The following NCOR2 variants were observed in gnomAD, a reference collection of about 807,000 sequenced individuals.
NCOR2 encodes nuclear receptor corepressor 2.
Under a neutral mutation model 262.9 loss-of-function variants are expected in NCOR2, and 81 were observed. The observed-to-expected ratio is 0.31, with a 90% CI of 0.26 to 0.37. NCOR2 has a LOEUF of 0.37. Ranked by LOEUF, NCOR2 falls within the 10% of genes least tolerant of loss-of-function variation. The pLI, the probability that NCOR2 is intolerant of heterozygous loss-of-function variation, is 1.00. For missense variants in NCOR2, 3,385 were observed against 3,621.4 expected, an observed-to-expected ratio of 0.93 and a Z score of 1.68; for synonymous variants, 1,659 against 1,559.3, an observed-to-expected ratio of 1.06 and a Z score of -1.51.
At position 124,548,773 on chromosome 12, in the gene NCOR2, T is replaced by G. The variant is rs1359797258; in HGVS notation, c.-164-13162A>C. On this transcript the variant is annotated intron_variant, in intron 1 of 32. Transcript: ENST00000458234. This position sits in a 1 kb window ranked among gnomAD's most constrained non-coding sequence, Gnocchi z 5.1. ...CAGTCCTACTCCATAAAAGTCACCC[T>G]CCCTACACAGTTTTCAAATGACCTG... 2.6e-5 allele frequency among the ~76,000 whole-genome samples: 4 copies of G among 151,984 alleles called. No homozygotes were observed. Among genetic ancestry groups the G allele is most frequent in the Non-Finnish European group, 4.4e-5 (3 of 67,988 alleles).
exon 14 of NCOR2, chr12:124,402,550 T>C (rs3040832): frequency 1.3e-4 from 118 of 904,256 alleles, no homozygotes; most frequent in Admixed American, 3.4e-4. Context: ...GCTGCTGCTG[T>C]TGTTGCTGCT....
rs549314903 is a variant in NCOR2, at chr12:124,448,300, G to A, written c.815+1515C>T. ...CTTCCCACCCCAGACAGGGGCCCCAGAGCAAGGCAGGTCCCAGGAAGCTGC... is the reference window on the plus strand; with the variant it reads ...CTTCCCACCCCAGACAGGGGCCCCAAAGCAAGGCAGGTCCCAGGAAGCTGC... On this transcript the variant is annotated intron_variant, in intron 7 of 46. Transcript: ENST00000405201. Among the ~76,000 whole-genome samples the A allele has an allele frequency of 2.7e-3, 406 of 152,346 alleles. 4 individuals are homozygous for A. Among genetic ancestry groups the A allele is most frequent in the Non-Finnish European group, 4.3e-3 (294 of 68,040 alleles).
At chr12:124,422,777 G>A (rs558842053) in intron 11 of NCOR2, among the ~76,000 whole-genome samples, 1 of 152,248 alleles carries the variant, frequency 6.6e-6, no homozygotes, top group African/African-American at 2.4e-5. Flanking sequence ...GTGAGTCACT[G>A]GCTTTAGCGC....
intron 1 of NCOR2, chr12:124,561,985 C>T (rs896193847): frequency 6.6e-6 from 1 of 152,168 alleles, no homozygotes; most frequent in Non-Finnish European, 1.5e-5. Context: ...CACTGCACTC[C>T]AGCCTTGGTG....
chr12:124,412,788 G>A (rs1020596558), intron 13 of NCOR2, among the ~76,000 whole-genome samples: 3 of 152,240 alleles, frequency 2.0e-5, no homozygotes, highest in African/African-American at 7.2e-5. Context: ...TTGGATCTCG[G>A]CCTTATTGTG....
chr12:124,360,798 A>C (rs1593212923), intron 22 of NCOR2, among the ~76,000 whole-genome samples: 2 of 140,182 alleles, frequency 1.4e-5, no homozygotes, highest in African/African-American at 5.2e-5. Flanking sequence ...GCTGCTTCCC[A>C]CTCCACAGGG....
In NCOR2 at chr12:124,454,128, C is replaced by T. The variant is rs1444816171; in HGVS notation, c.762+2978G>A. Among the ~76,000 whole-genome samples the T allele has an allele frequency of 6.6e-6, 1 of 152,194 alleles. No individual in the cohort carries two copies. Among genetic ancestry groups the T allele is most frequent in the Non-Finnish European group, 1.5e-5 (1 of 68,040 alleles). ...CTGTGGCCACTCGGGCCTGGCAGAT[C>T]TGTGCAGAACTGGCCGGCCGCTCTC... On this transcript the variant is annotated intron_variant, in intron 6 of 46. Coordinates refer to ENST00000405201, the Ensembl canonical transcript of NCOR2. The surrounding 1 kb of genome is among the most constrained non-coding windows in gnomAD (Gnocchi z 5.6).
intron 1 of NCOR2, among the ~76,000 whole-genome samples, chr12:124,534,634 C>T (rs1594019827): frequency 3.9e-5 from 6 of 152,246 alleles, no homozygotes; most frequent in Non-Finnish European, 8.8e-5. Flanking sequence ...CCCCAGCCTC[C>T]ATGCGCACGA....
At chr12:124,485,897 G>A (rs539063674) in intron 2 of NCOR2, among the ~76,000 whole-genome samples, 91 of 152,244 alleles carry the variant, frequency 6.0e-4, no homozygotes, top group Admixed American at 1.8e-3. Flanking sequence ...TGCATGGAGA[G>A]CTGGCTCTGA....
chr12:124,400,775 A>G lies in NCOR2; in HGVS notation c.1641-102T>C, dbSNP rs568842185. The G allele has an allele frequency of 2.7e-5, 39 of 1,449,714 alleles. No individual in the cohort carries two copies. The Admixed American group carries it at 5.3e-4, about 20-fold the overall frequency. 89.8% of individuals were successfully genotyped at this position (1,449,714 alleles called of 1,614,324 possible). On this transcript the variant is annotated intron_variant, in intron 14 of 46. Transcript: ENST00000405201. Reference sequence around the variant, plus strand: ...TTTAGCTGGATTTGCACTGGCTGCCAGCCATGGCACTAATCGGACGCTAGG... The same window carrying G: ...TTTAGCTGGATTTGCACTGGCTGCCGGCCATGGCACTAATCGGACGCTAGG...
chr12:124,486,281 C>T, intron 2 of NCOR2, 160 bp downstream of exon 4: 2 of 1,175,240 alleles, frequency 1.7e-6, no homozygotes, highest in Non-Finnish European at 2.3e-6. Context: ...CCCATCCTCA[C>T]CCCGAGTCAC....
rs1406319276 is a variant in NCOR2, at chr12:124,340,761, G to T, written c.5189-10C>A. ...GACAGGTCGATGATGCCTGCGGGAG[G>T]TGTTGGGCCAGGGCTGTAGCCACAG... On this transcript the variant is annotated splice_polypyrimidine_tract_variant and intron_variant, in intron 34 of 46. Coordinates refer to ENST00000405201, the Ensembl canonical transcript of NCOR2. 1 of 1,529,752 alleles carries T rather than the reference G, an allele frequency of 6.5e-7. No individual in the cohort carries two copies. Among genetic ancestry groups the T allele is most frequent in the South Asian group, 1.3e-5 (1 of 77,432 alleles). The allele number at this position is 1,529,752 out of a possible 1,614,324, so 94.8% of individuals were successfully genotyped here. A position where few individuals can be genotyped will look rare whatever the true frequency, so the allele number is the denominator to read the frequency against.
intron 10 of NCOR2, 59 bp from the exon 13 acceptor site, chr12:124,426,859 A>G: frequency 6.8e-7 from 1 of 1,470,630 alleles, no homozygotes; most frequent in Non-Finnish European, 9.1e-7. Flanking sequence ...CGGCCGGCGC[A>G]GGGGACCCAG....
chr12:124,411,407 G>A (rs1426927403), intron 13 of NCOR2, among the ~76,000 whole-genome samples: 11 of 152,308 alleles, frequency 7.2e-5, no homozygotes, highest in African/African-American at 2.2e-4. Flanking sequence ...GCGGAGCCTC[G>A]GCCTCCCTGG....
chr12:124,456,653 T>C (rs1462845948), intron 6 of NCOR2, among the ~76,000 whole-genome samples: 1 of 152,210 alleles, frequency 6.6e-6, no homozygotes, highest in African/African-American at 2.4e-5. Flanking sequence ...ATTCCCATTT[T>C]ACAGATGAGG....
At chr12:124,450,092 A>AC (rs918785684) in intron 6 of NCOR2, among the ~76,000 whole-genome samples, 3 of 152,050 alleles carry the variant, frequency 2.0e-5, no homozygotes. Context: ...GACCACCCCC[A>AC]CCAAGGTCGT....
chr12:124,479,519 GCGCACA>G (rs1698269926), intron 3 of NCOR2, among the ~76,000 whole-genome samples: 2 of 147,482 alleles, frequency 1.4e-5, no homozygotes, highest in Non-Finnish European at 3.0e-5. Context: ...ACGCACATGC[GCGCACA>G]CGCACACACA....
chr12:124,479,311 GAC>G (rs1415531425), intron 3 of NCOR2, among the ~76,000 whole-genome samples: 1 of 149,762 alleles, frequency 6.7e-6, no homozygotes, highest in Non-Finnish European at 1.5e-5. Flanking sequence ...CACATGCACG[GAC>G]ACATGCACAC....
At chr12:124,486,346 A>G (rs2047765983) in intron 2 of NCOR2, 95 bp downstream of exon 4, 9 of 1,520,582 alleles carry the variant, frequency 5.9e-6, no homozygotes, top group Non-Finnish European at 7.9e-6. Context: ...ATTTCACAGG[A>G]CCCTGTGTGC....
Sources: allele counts gnomAD v4.1 joint callset (sites outside exome capture counted in the v4.1 genomes callset), GRCh38; gene constraint gnomAD v4.1.1; non-coding constraint Gnocchi (gnomAD v3.1); transcripts MANE v1.5; gene names NCBI Gene and HGNC (gene_info 2026-07-23, HGNC 2026-07-21).